Variants in GRID2 observed in about 807,000 individuals in gnomAD.
GRID2 encodes glutamate receptor ionotropic, delta-2.
In GRID2, 33 loss-of-function variants were observed where a neutral mutation model predicts 114.8. The ratio of observed to expected loss-of-function variants is 0.29; its 90% CI spans 0.22 to 0.38. GRID2 has a LOEUF of 0.38. Among genes scored for constraint, GRID2 ranks in the 10% least tolerant of loss-of-function variants. GRID2 has a pLI of 1.00. For synonymous variants in GRID2, 505 were observed against 449.9 expected (o/e 1.12, Z -1.55); for missense variants, 1,184 against 1,257.7 (o/e 0.94, Z 0.89).
intron 2 of GRID2, among the ~76,000 whole-genome samples, chr4:92,605,355 C>T (rs1358139655): frequency 1.5e-4 from 23 of 151,854 alleles, no homozygotes; most frequent in Admixed American, 1.5e-3. Flanking sequence ...ACTTCTTATT[C>T]ACGGTACACT....
At chr4:93,210,975 C>A (rs906259458) in intron 5 of GRID2, among the ~76,000 whole-genome samples, 24 of 152,032 alleles carry the variant, frequency 1.6e-4, no homozygotes, top group Non-Finnish European at 2.9e-4. Context: ...CTATTCATGT[C>A]AATCAACCTT....
intron 9 of GRID2, among the ~76,000 whole-genome samples, chr4:93,420,033 A>G (rs1334385953): frequency 2.6e-5 from 4 of 152,116 alleles, no homozygotes; most frequent in Non-Finnish European, 4.4e-5. Flanking sequence ...ACTGATAAAC[A>G]TAGCCGATTT....
At chr4:92,486,390 A>G (rs780080900) in intron 1 of GRID2, among the ~76,000 whole-genome samples, 1 of 151,724 alleles carries the variant, frequency 6.6e-6, no homozygotes, top group Non-Finnish European at 1.5e-5. Context: ...CCTTTCATAT[A>G]CTCCTTGTCA....
At chr4:93,276,035 G>A (rs1381615757) in intron 8 of GRID2, among the ~76,000 whole-genome samples, 7 of 151,694 alleles carry the variant, frequency 4.6e-5, no homozygotes, top group Non-Finnish European at 1.0e-4. Context: ...TTAACCCAAG[G>A]TCCCAAAACT....
At chr4:92,727,603 C>T (rs577938859) in intron 2 of GRID2, among the ~76,000 whole-genome samples, 1 of 152,118 alleles carries the variant, frequency 6.6e-6, no homozygotes, top group Admixed American at 6.6e-5. Flanking sequence ...GTATATGTTA[C>T]AGTAGTGACA....
intron 9 of GRID2, among the ~76,000 whole-genome samples, chr4:93,398,192 T>G (rs1316158991): frequency 1.4e-5 from 2 of 147,556 alleles, no homozygotes; most frequent in Non-Finnish European, 3.0e-5. Context: ...AGAATCAGAC[T>G]TCCTGAATTT....
At chr4:92,409,016 A>C (rs1226806674) in intron 1 of GRID2, among the ~76,000 whole-genome samples, 1 of 151,958 alleles carries the variant, frequency 6.6e-6, no homozygotes, top group Non-Finnish European at 1.5e-5. Context: ...GTTAAATAGG[A>C]GTGGTGAGAG....
intron 2 of GRID2, among the ~76,000 whole-genome samples, chr4:92,918,043 G>A (rs1332136421): frequency 1.3e-5 from 2 of 152,202 alleles, no homozygotes; most frequent in Admixed American, 6.5e-5. Context: ...CTGGTTTGTA[G>A]TTCTCCTTGA....
chr4:93,565,462 T>A (rs1735318190), intron 13 of GRID2, among the ~76,000 whole-genome samples: 1 of 152,264 alleles, frequency 6.6e-6, no homozygotes, highest in South Asian at 2.1e-4. Flanking sequence ...AACCCTACAT[T>A]TTTATGGACA....
At chr4:92,452,745 T>C (rs1042104644) in intron 1 of GRID2, among the ~76,000 whole-genome samples, 2 of 151,476 alleles carry the variant, frequency 1.3e-5, no homozygotes, top group Non-Finnish European at 2.9e-5. Context: ...TACTTAATAA[T>C]AGTTTGTGAA....
intron 13 of GRID2, among the ~76,000 whole-genome samples, chr4:93,516,395 G>A (rs950234995): frequency 2.0e-5 from 3 of 152,088 alleles, no homozygotes; most frequent in Non-Finnish European, 4.4e-5. Context: ...CCTAGAGTCA[G>A]CCTAGTAATT....
At chr4:92,352,397 C>T (rs1292311414) in intron 1 of GRID2, among the ~76,000 whole-genome samples, 6 of 150,862 alleles carry the variant, frequency 4.0e-5, no homozygotes, top group African/African-American at 1.5e-4. Context: ...GTTTGAGCTC[C>T]TTGTATCTTC....
intron 9 of GRID2, among the ~76,000 whole-genome samples, chr4:93,420,775 A>G (rs1768191568): frequency 7.7e-6 from 1 of 129,916 alleles, no homozygotes; most frequent in South Asian, 2.4e-4. Context: ...TATGTTTTTG[A>G]GACAGTCTCA....
chr4:92,647,909 T>C (rs1023685777), intron 2 of GRID2, among the ~76,000 whole-genome samples: 2 of 149,688 alleles, frequency 1.3e-5, no homozygotes, highest in Non-Finnish European at 3.0e-5. Context: ...GTTTCACTTA[T>C]GTGAAAATTC....
At chr4:93,372,644 G>C (rs1379082882) in intron 8 of GRID2, among the ~76,000 whole-genome samples, 1 of 152,024 alleles carries the variant, frequency 6.6e-6, no homozygotes, top group Non-Finnish European at 1.5e-5. Flanking sequence ...TAGAGGCACA[G>C]AAACCATTTT....
At chr4:92,384,547 AATATATATT>A (rs1729804657) in intron 1 of GRID2, among the ~76,000 whole-genome samples, 2 of 59,546 alleles carry the variant, frequency 3.4e-5, no homozygotes, top group African/African-American at 1.5e-4. Flanking sequence ...TATAATATAT[AATATATATT>A]ATATATAATA....
At chr4:92,766,700 T>C (rs957839329) in intron 2 of GRID2, among the ~76,000 whole-genome samples, 4 of 152,188 alleles carry the variant, frequency 2.6e-5, no homozygotes, top group Admixed American at 2.6e-4. Context: ...ACATATAATG[T>C]GATTTTGAAC....
chr4:92,662,330 C>A lies in GRID2; in HGVS notation c.244+72044C>A, dbSNP rs542954136. Among the ~76,000 whole-genome samples, 3 of 150,768 alleles carry A rather than the reference C, an allele frequency of 2.0e-5. No individual in the cohort carries two copies. The Admixed American group carries it at 2.0e-4, about 10-fold the overall frequency. On this transcript the variant is annotated intron_variant, in intron 2 of 15. Transcript: ENST00000282020. The stretch of plus-strand genomic sequence containing the variant: ...CTGCGTCATAATTTTATTATGGTGG[C>A]GCTCCAAAAATGACCAAAAGGATTC...
chr4:92,992,829 G>A (rs142708220), intron 2 of GRID2, among the ~76,000 whole-genome samples: 3 of 151,992 alleles, frequency 2.0e-5, no homozygotes, highest in Non-Finnish European at 4.4e-5. Flanking sequence ...AATTTTTCAC[G>A]TTTCCTGCTG....
Sources: allele counts gnomAD v4.1 joint callset (sites outside exome capture counted in the v4.1 genomes callset), GRCh38; gene constraint gnomAD v4.1.1; transcripts MANE v1.5; gene names NCBI Gene and HGNC (gene_info 2026-07-23, HGNC 2026-07-21).